The following COL25A1 variants were observed in gnomAD, a reference collection of about 807,000 sequenced individuals.
The protein encoded by COL25A1 is collagen alpha-1(XXV) chain.
Under a neutral mutation model 128.4 loss-of-function variants are expected in COL25A1, and 103 were observed. That is an observed-to-expected ratio of 0.80 (90% CI 0.68 to 0.94). The LOEUF is 0.94. Among genes scored for constraint, COL25A1 ranks in the 40% least tolerant of loss-of-function variants. COL25A1 has a pLI of 0.00. For synonymous variants in COL25A1, 279 were observed against 277.2 expected (o/e 1.01, Z -0.06); for missense variants, 745 against 840.0 (o/e 0.89, Z 1.40).
At position 109,155,410 on chromosome 4, in the gene COL25A1, G is replaced by A. The variant is rs572572710; in HGVS notation, c.368-105231C>T. 2.4e-4 allele frequency among the ~76,000 whole-genome samples: 36 copies of A among 152,260 alleles called. 2 individuals are homozygous for A. The South Asian group carries it at 7.2e-3, about 31-fold the overall frequency. ...AACAACAGGGTTTTTAAAGGACACC[G>A]TAAGGTACTTAAATTCCAGTAACTA... On this transcript the variant is annotated intron_variant, in intron 3 of 37. Transcript: ENST00000399132.
intron 20 of COL25A1, among the ~76,000 whole-genome samples, chr4:108,865,355 T>G (rs1164579775): frequency 2.6e-5 from 4 of 152,124 alleles, no homozygotes; most frequent in African/African-American, 9.7e-5. Flanking sequence ...CTTTGTGGTT[T>G]TATAGGGGAG....
intron 3 of COL25A1, among the ~76,000 whole-genome samples, chr4:109,078,025 C>T (rs532819833): frequency 5.8e-4 from 89 of 152,278 alleles, no homozygotes; most frequent in African/African-American, 2.1e-3. Flanking sequence ...TATCTTTTCT[C>T]GGCTGCTCTT....
intron 3 of COL25A1, among the ~76,000 whole-genome samples, chr4:109,107,680 C>G (rs1448870844): frequency 6.6e-6 from 1 of 152,132 alleles, no homozygotes; most frequent in Non-Finnish European, 1.5e-5. Flanking sequence ...GATGCCAGCT[C>G]TTATTTAGGT....
chr4:109,259,035 C>A (rs1306313043), intron 3 of COL25A1, among the ~76,000 whole-genome samples: 1 of 152,082 alleles, frequency 6.6e-6, no homozygotes, highest in Non-Finnish European at 1.5e-5. Context: ...TCAAAGTTTA[C>A]AAATCACTTT....
intron 13 of COL25A1, among the ~76,000 whole-genome samples, chr4:108,915,760 C>G (rs541753890): frequency 3.3e-5 from 5 of 152,182 alleles, no homozygotes; most frequent in African/African-American, 1.2e-4. Context: ...GAAAACTTTT[C>G]TAAGCATCAA....
At chr4:109,266,539 G>A (rs894332739) in intron 3 of COL25A1, among the ~76,000 whole-genome samples, 3 of 152,138 alleles carry the variant, frequency 2.0e-5, no homozygotes, top group Admixed American at 6.5e-5. Flanking sequence ...ATAAAGATAT[G>A]GGGGGCTGGG....
At chr4:108,881,314 T>G (rs1740096495) in intron 19 of COL25A1, among the ~76,000 whole-genome samples, 1 of 152,184 alleles carries the variant, frequency 6.6e-6, no homozygotes, top group South Asian at 2.1e-4. Flanking sequence ...TGGATGCTCA[T>G]TAAGTTTCCA....
chr4:109,236,026 T>C (rs1252063603), intron 3 of COL25A1, among the ~76,000 whole-genome samples: 1 of 152,080 alleles, frequency 6.6e-6, no homozygotes, highest in Non-Finnish European at 1.5e-5. Context: ...GTAATACTGA[T>C]TTCTTATATA....
At chr4:109,006,780 G>A (rs1184047781) in intron 6 of COL25A1, among the ~76,000 whole-genome samples, 2 of 152,098 alleles carry the variant, frequency 1.3e-5, no homozygotes, top group Non-Finnish European at 2.9e-5. Flanking sequence ...GATAAAATTT[G>A]TTTTGTGGTT....
intron 3 of COL25A1, among the ~76,000 whole-genome samples, chr4:109,090,346 C>T (rs1764786504): frequency 6.6e-6 from 1 of 152,056 alleles, no homozygotes; most frequent in South Asian, 2.1e-4. Context: ...TATTTTTCTT[C>T]TACCTTTTGC....
intron 3 of COL25A1, among the ~76,000 whole-genome samples, chr4:109,252,634 C>T (rs1780741343): frequency 6.6e-6 from 1 of 152,224 alleles, no homozygotes. Flanking sequence ...TTGTCACCAA[C>T]GTTCCAATCA....
At chr4:109,287,348 C>G (rs1186069635) in intron 3 of COL25A1, among the ~76,000 whole-genome samples, 1 of 151,964 alleles carries the variant, frequency 6.6e-6, no homozygotes, top group East Asian at 1.9e-4. Context: ...CAGGGTTTCA[C>G]CCACAGTAAG....
In COL25A1 at chr4:108,895,102, C is replaced by T. The variant is rs138382911; in HGVS notation, c.906+1565G>A. Among the ~76,000 whole-genome samples the T allele has an allele frequency of 9.4e-3, 1,424 of 152,152 alleles. 26 individuals carry two copies. The highest frequency in any genetic ancestry group is 0.032 in the African/African-American group (1,315 of 41,502). On this transcript the variant is annotated intron_variant, in intron 16 of 37. Transcript: ENST00000399132. ...AACACAGATCTATAAGAAACTGAGC[C>T]CACTCTAATTTCTAGACTCCTCGAA... is the stretch of plus-strand genomic sequence containing the variant.
intron 27 of COL25A1, among the ~76,000 whole-genome samples, chr4:108,847,165 C>T (rs1735213413): frequency 6.6e-6 from 1 of 152,090 alleles, no homozygotes; most frequent in Admixed American, 6.5e-5. Flanking sequence ...CTTGGCCTCC[C>T]AAAGTGCTGG....
At chr4:109,156,858 T>C (rs763734864) in intron 3 of COL25A1, among the ~76,000 whole-genome samples, 2 of 152,248 alleles carry the variant, frequency 1.3e-5, no homozygotes, top group Non-Finnish European at 1.5e-5. Context: ...TGTGTATAGG[T>C]ACTGTACCTT....
At chr4:109,174,419 C>T (rs958013859) in intron 3 of COL25A1, among the ~76,000 whole-genome samples, 11 of 152,152 alleles carry the variant, frequency 7.2e-5, no homozygotes, top group South Asian at 2.1e-4. Context: ...CTGAGTAGCA[C>T]GTTTCAGTTC....
intron 8 of COL25A1, among the ~76,000 whole-genome samples, chr4:108,962,666 T>A (rs1750859554): frequency 6.6e-6 from 1 of 152,152 alleles, no homozygotes; most frequent in East Asian, 1.9e-4. Context: ...TTATAAAGCA[T>A]GATAAGAATG....
chr4:108,897,274 A>G (rs1742254259), intron 15 of COL25A1, among the ~76,000 whole-genome samples: 1 of 152,182 alleles, frequency 6.6e-6, no homozygotes, highest in Non-Finnish European at 1.5e-5. Flanking sequence ...TGAATGTTTT[A>G]TGCTTTACTA....
intron 32 of COL25A1, among the ~76,000 whole-genome samples, chr4:108,829,762 G>A (rs1399665764): frequency 2.6e-5 from 4 of 152,116 alleles, no homozygotes; most frequent in South Asian, 4.2e-4. Context: ...AGCTATTAAC[G>A]ACAATTCCAT....
Sources: gnomAD v4.1 joint callset for allele counts (sites outside exome capture counted in the v4.1 genomes callset) on GRCh38, gnomAD v4.1.1 for gene constraint, MANE v1.5 for transcripts, NCBI Gene and HGNC (gene_info 2026-07-23, HGNC 2026-07-21) for gene names.